The following DPP8 variants were observed in gnomAD, a reference collection of about 807,000 sequenced individuals.
DPP8 encodes the protein DPP VIII.
A neutral mutation model predicts 107.5 loss-of-function variants in DPP8; 31 were observed. That is an observed-to-expected ratio of 0.29 (90% CI 0.22 to 0.39). The LOEUF (loss-of-function observed/expected upper bound fraction) is 0.39. DPP8 is among the 10% of genes least tolerant of loss of function. DPP8 has a pLI of 1.00. For missense variants in DPP8, 842 were observed against 1,076.1 expected (o/e 0.78, Z 3.04); for synonymous variants, 381 against 356.6 (o/e 1.07, Z -0.77).
At chr15:65,490,638 GAA>G (rs2140902098) in intron 5 of DPP8, among the ~76,000 whole-genome samples, 1 of 152,200 alleles carries the variant, frequency 6.6e-6, no homozygotes, top group African/African-American at 2.4e-5. Context: ...CAGGATCATG[GAA>G]AAAAGATTAC....
intron 16 of DPP8, 86 bp downstream of exon 16, chr15:65,456,139 C>G: frequency 6.8e-7 from 1 of 1,469,166 alleles, no homozygotes; most frequent in East Asian, 2.3e-5. Flanking sequence ...GCCCCTTCCC[C>G]CAACTCTCTT....
intron 6 of DPP8, among the ~76,000 whole-genome samples, chr15:65,489,096 G>A (rs1567233938): frequency 2.0e-5 from 3 of 152,072 alleles, no homozygotes; most frequent in African/African-American, 2.4e-5. Context: ...GAGTAGCTGG[G>A]ACTACAGGTG....
At chr15:65,478,816 C>T (rs2066639087) in intron 11 of DPP8, 64 bp downstream of exon 11, 1 of 1,149,742 alleles carries the variant, frequency 8.7e-7, no homozygotes, top group Non-Finnish European at 1.2e-6. Context: ...GATACATTCC[C>T]CTGTCCCTCC....
intron 5 of DPP8, among the ~76,000 whole-genome samples, chr15:65,491,751 G>C (rs924365816): frequency 1.3e-5 from 2 of 151,830 alleles, no homozygotes; most frequent in Non-Finnish European, 2.9e-5. Flanking sequence ...CATTTTTTTT[G>C]AGACGGAGTC....
At chr15:65,502,186 G>T (rs1192270241) in intron 3 of DPP8, among the ~76,000 whole-genome samples, 1 of 152,040 alleles carries the variant, frequency 6.6e-6, no homozygotes, top group African/African-American at 2.4e-5. Flanking sequence ...ACCAAGCCTG[G>T]CCCTCATGAA....
At chr15:65,451,419 A>G (rs1421621100) in intron 18 of DPP8, among the ~76,000 whole-genome samples, 1 of 152,212 alleles carries the variant, frequency 6.6e-6, no homozygotes, top group Non-Finnish European at 1.5e-5. Context: ...TTCCACCTTG[A>G]AAGTCGTGTA....
At chr15:65,471,646 C>T (rs1308880386) in intron 12 of DPP8, among the ~76,000 whole-genome samples, 1 of 151,974 alleles carries the variant, frequency 6.6e-6, no homozygotes, top group Non-Finnish European at 1.5e-5. Flanking sequence ...CCCACCACAC[C>T]TGCCTAATTT....
At chr15:65,467,960 T>C (rs2065506246) in intron 12 of DPP8, among the ~76,000 whole-genome samples, 1 of 152,188 alleles carries the variant, frequency 6.6e-6, no homozygotes, top group Non-Finnish European at 1.5e-5. Flanking sequence ...TTGTACAAAT[T>C]TGCAAACGTG....
Position 65,451,159 on chromosome 15 carries a change from G to A in DPP8, c.2415-49C>T, listed in dbSNP as rs773126133. The A allele has an allele frequency of 4.6e-6, 5 of 1,090,996 alleles. No homozygotes were observed. The Admixed American group carries it at 7.3e-5, about 16-fold the overall frequency. The allele number at this position is 1,090,996 out of a possible 1,614,324, so 67.6% of individuals were successfully genotyped here. On this transcript the variant is annotated intron_variant, in intron 18 of 19. Transcript: ENST00000300141. ...GATTAGGCAAAATAGTAGAGTATTT[G>A]GGAAAACCATTTCACTTATTTAATC...
chr15:65,515,747 T>C, intron 1 of DPP8: 3 of 1,501,038 alleles, frequency 2.0e-6, no homozygotes, highest in South Asian at 2.3e-5. Context: ...CCTCTGCTCA[T>C]CCTGCTCTTC....
In DPP8 at chr15:65,463,757, C is replaced by G. The variant is rs1410697555; in HGVS notation, c.1971+4G>C. On this transcript the variant is annotated splice_donor_region_variant and intron_variant, in intron 15 of 19. Coordinates refer to ENST00000300141, the MANE Select transcript of DPP8 (RefSeq NM_130434.5). ...TATGTATATATGTATATAAATATGC[C>G]CACCTGAGGACCACCATATATGAAC... 2 of 1,610,488 alleles carry G rather than the reference C, an allele frequency of 1.2e-6. No homozygotes were observed. The highest frequency in any genetic ancestry group is 1.7e-6 in the Non-Finnish European group (2 of 1,177,462).
chr15:65,476,244 AT>A (rs1356981323), intron 11 of DPP8, among the ~76,000 whole-genome samples: 2 of 152,238 alleles, frequency 1.3e-5, no homozygotes, highest in African/African-American at 2.4e-5. Flanking sequence ...GTTTAAAAAA[AT>A]ATTTTAAACT....
At position 65,467,099 on chromosome 15, in the gene DPP8, C is replaced by T. The variant is rs774661670; in HGVS notation, c.1661G>A (p.Gly554Asp). 1 of 1,614,112 alleles carries T rather than the reference C, an allele frequency of 6.2e-7. No individual in the cohort carries two copies. The highest frequency in any genetic ancestry group is 1.1e-5 in the South Asian group (1 of 91,078). ...ACTGATGCAGCAAGAATGTGAGTAG[C>T]CACGGTCAGTCAGCCTTGTCACCTC... ...PGEVTRLTDRGYSHSCCISQH... is the reference protein window; with the variant it reads ...PGEVTRLTDRDYSHSCCISQH... Residue 554 changes from glycine to aspartate, a missense_variant, in exon 13 of 20, where the codon GGC becomes GAC. Coordinates refer to ENST00000300141, the MANE Select transcript of DPP8 (RefSeq NM_130434.5).
intron 1 of DPP8, chr15:65,516,805 G>A (rs1296060176): frequency 6.6e-6 from 1 of 152,308 alleles, no homozygotes; most frequent in Non-Finnish European, 1.5e-5. Flanking sequence ...CTAGTTGAGA[G>A]ATTCAATAGC....
At chr15:65,506,007 GA>G (rs1476161805) in intron 3 of DPP8, among the ~76,000 whole-genome samples, 1 of 147,896 alleles carries the variant, frequency 6.8e-6, no homozygotes, top group East Asian at 2.0e-4. Context: ...ATTTCTATGA[GA>G]AACAGCACAT....
In DPP8 at chr15:65,475,429, A is replaced by C. The variant is rs189988999; in HGVS notation, c.1457-1141T>G. The C allele has an allele frequency of 2.1e-4, 331 of 1,572,338 alleles. 1 individual carries two copies. Among genetic ancestry groups the C allele is most frequent in the Non-Finnish European group, 2.7e-4 (307 of 1,147,706 alleles). ...CAGCTTTGCCACTCAAATATACCTT[A>C]TTATGGCATTCAGGGAGCCAGGGTC... On this transcript the variant is annotated intron_variant, in intron 11 of 19. Coordinates refer to ENST00000300141, the MANE Select transcript of DPP8 (RefSeq NM_130434.5).
At chr15:65,495,827 A>G (rs1430305826) in intron 5 of DPP8, among the ~76,000 whole-genome samples, 3 of 149,966 alleles carry the variant, frequency 2.0e-5, no homozygotes, top group African/African-American at 4.9e-5. Context: ...GGTTGCAGTG[A>G]GCAGAGATCA....
At chr15:65,485,572 A>C (rs2067341065) in intron 7 of DPP8, among the ~76,000 whole-genome samples, 1 of 151,348 alleles carries the variant, frequency 6.6e-6, no homozygotes, top group South Asian at 2.1e-4. Flanking sequence ...AAAGAAAAGA[A>C]AGAAAGAGAC....
intron 19 of DPP8, among the ~76,000 whole-genome samples, chr15:65,448,865 A>AATATATATATGTGTGTGTGTGTATATAT: frequency 1.9e-5 from 1 of 53,314 alleles, no homozygotes; most frequent in African/African-American, 6.3e-5. Context: ...ATATATCTAA[A>AATATATATATGTGTGTGTGTGTATATAT]ATATATATAT....
Sources: gnomAD v4.1 joint callset for allele counts (sites outside exome capture counted in the v4.1 genomes callset) on GRCh38, gnomAD v4.1.1 for gene constraint, MANE v1.5 for transcripts, NCBI Gene and HGNC (gene_info 2026-07-23, HGNC 2026-07-21) for gene names.